VCF1: variants seen among roughly 807,000 people sequenced by gnomAD.
VCF1 encodes the protein VCP nuclear cofactor family member 1.
the VCF1 span, chr17:73,232,138 C>A: frequency 3.1e-6 from 5 of 1,610,046 alleles, no homozygotes; most frequent in African/African-American, 2.7e-5. Flanking sequence ...CTACGCGGCG[C>A]CGCTCCGCGA....
the VCF1 span, chr17:73,207,744 T>G: frequency 7.7e-7 from 1 of 1,291,490 alleles, no homozygotes; most frequent in South Asian, 1.2e-5. Context: ...TCCTGGGTAT[T>G]TCTGAATTGT....
At chr17:73,208,602 C>T in the VCF1 span, 1 of 980,916 alleles carries the variant, frequency 1.0e-6, no homozygotes, top group Non-Finnish European at 1.6e-6. Context: ...TTACTTTAAG[C>T]ATCAAGTTAA....
the VCF1 span, among the ~76,000 whole-genome samples, chr17:73,216,265 G>A: frequency 3.9e-5 from 6 of 152,278 alleles, no homozygotes; most frequent in East Asian, 5.8e-4. Flanking sequence ...AAAGAACTCC[G>A]GAAGGAGAGG....
chr17:73,227,285 G>GAAAAA, the VCF1 span: 1 of 1,269,866 alleles, frequency 7.9e-7, no homozygotes, highest in African/African-American at 1.6e-5. Context: ...ATCACAAGGA[G>GAAAAA]AAAAAAAAAA....
the VCF1 span, among the ~76,000 whole-genome samples, chr17:73,217,958 C>A: frequency 6.6e-6 from 1 of 152,056 alleles, no homozygotes; most frequent in Non-Finnish European, 1.5e-5. Context: ...GGCGACAGAG[C>A]GAGACTCTAC....
chr17:73,212,039 A>G, the VCF1 span, among the ~76,000 whole-genome samples: 18 of 152,206 alleles, frequency 1.2e-4, no homozygotes, highest in Non-Finnish European at 2.1e-4. Flanking sequence ...CAAAAAAAAT[A>G]AAGACTGGAA....
chr17:73,224,821 G>GCAGCA, the VCF1 span, among the ~76,000 whole-genome samples: 23 of 139,900 alleles, frequency 1.6e-4, no homozygotes, highest in South Asian at 2.2e-3. Flanking sequence ...GAAGCACAGC[G>GCAGCA]CAGCACAGCA....
the VCF1 span, among the ~76,000 whole-genome samples, chr17:73,228,024 C>T: frequency 0.51 from 77,999 of 152,062 alleles, 20,102 homozygotes; most frequent in East Asian, 0.6. Context: ...CTGTCCAATA[C>T]GGTAGCCACT....
chr17:73,230,666 G>C, the VCF1 span, among the ~76,000 whole-genome samples: 1 of 152,162 alleles, frequency 6.6e-6, no homozygotes, highest in African/African-American at 2.4e-5. Flanking sequence ...CAAAGTGCTG[G>C]GATTACAGGC....
the VCF1 span, among the ~76,000 whole-genome samples, chr17:73,219,017 C>G: frequency 6.6e-6 from 1 of 150,780 alleles, no homozygotes; most frequent in East Asian, 2.0e-4. Flanking sequence ...GAGACTCCGT[C>G]TCAAAAAAAA....
chr17:73,232,016 C>T, the VCF1 span: 1 of 1,466,770 alleles, frequency 6.8e-7, no homozygotes, highest in Admixed American at 2.3e-5. Flanking sequence ...ACCCCCATTT[C>T]GCGCGCCCCC....
chr17:73,215,428 GCATGCCAC>G, the VCF1 span, among the ~76,000 whole-genome samples: 732 of 152,276 alleles, frequency 4.8e-3, 10 homozygotes, highest in East Asian at 0.024. Context: ...GACTACAGGC[GCATGCCAC>G]CATGCCCAGC....
the VCF1 span, among the ~76,000 whole-genome samples, chr17:73,213,142 G>A: frequency 6.6e-6 from 1 of 151,996 alleles, no homozygotes; most frequent in South Asian, 2.1e-4. Context: ...TGCTTGGGAG[G>A]CTGAGGCAGG....
At chr17:73,222,017 A>C in the VCF1 span, among the ~76,000 whole-genome samples, 71,226 of 139,400 alleles carry the variant, frequency 0.51, 18,418 homozygotes, top group East Asian at 0.59. Context: ...AGCCTGGGGA[A>C]AGAGCGAGAC....
the VCF1 span, among the ~76,000 whole-genome samples, chr17:73,217,156 C>G: frequency 6.6e-6 from 1 of 151,994 alleles, no homozygotes; most frequent in Non-Finnish European, 1.5e-5. Context: ...ATGGTGAAAC[C>G]TCATCTCTAC....
At chr17:73,227,645 C>T in the VCF1 span, 1 of 987,314 alleles carries the variant, frequency 1.0e-6, no homozygotes, top group Non-Finnish European at 1.2e-6. Flanking sequence ...CCTAATTGTA[C>T]TCCCTTCCAT....
the VCF1 span, chr17:73,227,243 G>A: frequency 2.2e-5 from 34 of 1,566,218 alleles, no homozygotes; most frequent in East Asian, 3.2e-4. Flanking sequence ...TGTCTTCTTC[G>A]TTGCCATTCC....
chr17:73,208,319 C>G, the VCF1 span: 2 of 1,613,384 alleles, frequency 1.2e-6, no homozygotes, highest in South Asian at 1.1e-5. Context: ...GGCAGGTTGT[C>G]CCCCCGGCAC....
the VCF1 span, among the ~76,000 whole-genome samples, chr17:73,231,049 G>A: frequency 2.0e-5 from 3 of 152,046 alleles, no homozygotes; most frequent in Admixed American, 1.3e-4. Flanking sequence ...CTGTAATTGG[G>A]CCCCCAATTT....
Sources: gnomAD v4.1 joint callset for allele counts (sites outside exome capture counted in the v4.1 genomes callset) on GRCh38, gnomAD v4.1.1 for gene constraint, MANE v1.5 for transcripts, NCBI Gene and HGNC (gene_info 2026-07-23, HGNC 2026-07-21) for gene names.